SYNDIG1L: variants seen among roughly 807,000 people sequenced by gnomAD.
SYNDIG1L encodes synapse differentiation-inducing gene protein 1-like.
Under a neutral mutation model 20.1 loss-of-function variants are expected in SYNDIG1L, and 13 were observed. That is an observed-to-expected ratio of 0.65 (90% CI 0.42 to 1.03). The LOEUF (loss-of-function observed/expected upper bound fraction) is 1.03, where lower values mean the gene tolerates loss of function less well. SYNDIG1L is among the 50% of genes least tolerant of loss of function. SYNDIG1L has a pLI of 0.00. For missense variants in SYNDIG1L, 294 were observed against 305.1 expected (o/e 0.96, Z 0.27); for synonymous variants, 128 against 129.3 (o/e 0.99, Z 0.07).
At chr14:74,466,256 A>G in the SYNDIG1L span, among the ~76,000 whole-genome samples, 1 of 152,184 alleles carries the variant, frequency 6.6e-6, no homozygotes, top group Non-Finnish European at 1.5e-5. Context: ...ATTGATTGCA[A>G]GGAGCAGGGC....
At chr14:74,449,101 T>TG in the SYNDIG1L span, among the ~76,000 whole-genome samples, 1 of 151,738 alleles carries the variant, frequency 6.6e-6, no homozygotes, top group African/African-American at 2.4e-5. Flanking sequence ...GGCATGGTGG[T>TG]GTGTGCCTAT....
chr14:74,470,354 G>C, the SYNDIG1L span, among the ~76,000 whole-genome samples: 46 of 152,296 alleles, frequency 3.0e-4, 3 homozygotes, highest in East Asian at 8.9e-3. Flanking sequence ...CATTTTGCCT[G>C]TGGGTCTGGT....
At chr14:74,420,566 CA>C (rs1315395981) in intron 1 of SYNDIG1L, among the ~76,000 whole-genome samples, 1 of 151,930 alleles carries the variant, frequency 6.6e-6, no homozygotes, top group Non-Finnish European at 1.5e-5. Context: ...AAGTGACTCC[CA>C]GGTTTCTGGC....
chr14:74,460,406 C>A, the SYNDIG1L span, among the ~76,000 whole-genome samples: 1 of 152,204 alleles, frequency 6.6e-6, no homozygotes, highest in African/African-American at 2.4e-5. Context: ...ACTGTAGGCC[C>A]CCATTCCACA....
At chr14:74,469,363 T>C in the SYNDIG1L span, among the ~76,000 whole-genome samples, 1 of 103,806 alleles carries the variant, frequency 9.6e-6, no homozygotes, top group African/African-American at 3.9e-5. Flanking sequence ...CACACCGGGG[T>C]CTGTCGTGGG....
chr14:74,415,102 G>C (rs891547505), intron 1 of SYNDIG1L, among the ~76,000 whole-genome samples: 1 of 152,134 alleles, frequency 6.6e-6, no homozygotes, highest in Admixed American at 6.5e-5. Flanking sequence ...TTAAGGAGGA[G>C]GGCCCCCAAT....
chr14:74,442,905 C>T, the SYNDIG1L span, among the ~76,000 whole-genome samples: 1,737 of 152,202 alleles, frequency 0.011, 44 homozygotes, highest in African/African-American at 0.04. Flanking sequence ...GTGCAGTTTG[C>T]TAAAAGAGGG....
Position 74,407,332 on chromosome 14 carries a change from G to A in SYNDIG1L, c.*203C>T, listed in dbSNP as rs577209765. 73 of 724,518 alleles carry A rather than the reference G, an allele frequency of 1.0e-4. No homozygotes were observed. The highest frequency in any genetic ancestry group is 9.0e-4 in the South Asian group (48 of 53,314). The allele number at this position is 724,518 out of a possible 1,614,324, so 44.9% of individuals were successfully genotyped here. The stretch of plus-strand genomic sequence containing the variant: ...AGCCTGGGTTAGAGAGTGGCGCCCC[G>A]GGCCCTGCTCTGGGGCTGGGAGCAG... On this transcript the variant is annotated 3_prime_UTR_variant, in exon 4 of 4. Coordinates refer to ENST00000331628, the MANE Select transcript of SYNDIG1L (RefSeq NM_001105579.2).
chr14:74,409,283 T>G, intron 2 of SYNDIG1L, 45 bp downstream of exon 2: 1 of 1,342,832 alleles, frequency 7.4e-7, no homozygotes, highest in Non-Finnish European at 9.9e-7. Flanking sequence ...GGGGTCTCCT[T>G]GTGTTGCTCA....
the SYNDIG1L span, chr14:74,476,519 T>A: frequency 6.5e-7 from 1 of 1,535,584 alleles, no homozygotes; most frequent in Non-Finnish European, 8.7e-7. Flanking sequence ...GCTCTTAGTC[T>A]CCATTTGCAA....
the SYNDIG1L span, among the ~76,000 whole-genome samples, chr14:74,449,632 A>AAAAAAG: frequency 4.0e-5 from 6 of 151,204 alleles, no homozygotes; most frequent in East Asian, 3.9e-4. Flanking sequence ...AAGAAAAAAG[A>AAAAAAG]AAAAAGAAAA....
chr14:74,415,220 C>T (rs2086165337), intron 1 of SYNDIG1L, among the ~76,000 whole-genome samples: 1 of 152,202 alleles, frequency 6.6e-6, no homozygotes, highest in Non-Finnish European at 1.5e-5. Flanking sequence ...TTTGAATCAG[C>T]TCCACCCCTT....
chr14:74,440,908 C>A, the SYNDIG1L span, among the ~76,000 whole-genome samples: 3 of 152,166 alleles, frequency 2.0e-5, no homozygotes, highest in African/African-American at 7.2e-5. Context: ...GGAGATAAGT[C>A]CCCAGTCTGT....
the SYNDIG1L span, among the ~76,000 whole-genome samples, chr14:74,444,222 G>A: frequency 1.3e-5 from 2 of 151,890 alleles, no homozygotes; most frequent in East Asian, 3.9e-4. Context: ...ACCACACCTG[G>A]CTAATTTTTG....
intron 1 of SYNDIG1L, among the ~76,000 whole-genome samples, chr14:74,422,693 T>C (rs140166494): frequency 0.01 from 1,000 of 96,878 alleles, 14 homozygotes; most frequent in African/African-American, 0.03. Flanking sequence ...TTTCTCTTTT[T>C]TTTCTTTCTT....
At chr14:74,479,346 C>A in the SYNDIG1L span, 1 of 152,186 alleles carries the variant, frequency 6.6e-6, no homozygotes, top group Admixed American at 6.5e-5. Flanking sequence ...ATGTTCCTTC[C>A]TTTTGCCCTA....
the SYNDIG1L span, chr14:74,476,594 T>G: frequency 1.3e-6 from 2 of 1,534,484 alleles, no homozygotes; most frequent in African/African-American, 2.7e-5. Context: ...TGGGAACATC[T>G]GCAGAAAGTA....
At chr14:74,434,654 G>C in the SYNDIG1L span, among the ~76,000 whole-genome samples, 5 of 151,826 alleles carry the variant, frequency 3.3e-5, no homozygotes, top group Admixed American at 3.3e-4. Context: ...AGAGAGGGCA[G>C]ATATGAGAGA....
chr14:74,464,872 G>A, the SYNDIG1L span, among the ~76,000 whole-genome samples: 1 of 152,158 alleles, frequency 6.6e-6, no homozygotes, highest in Admixed American at 6.5e-5. Flanking sequence ...GTTATTAATA[G>A]CCTCATTATT....
Sources: allele counts gnomAD v4.1 joint callset (sites outside exome capture counted in the v4.1 genomes callset), GRCh38; gene constraint gnomAD v4.1.1; transcripts MANE v1.5; gene names NCBI Gene and HGNC (gene_info 2026-07-23, HGNC 2026-07-21).